PHTF2: variants seen among roughly 807,000 people sequenced by gnomAD.
PHTF2 encodes the protein protein PHTF2.
A neutral mutation model predicts 101.2 loss-of-function variants in PHTF2; 60 were observed. The observed-to-expected ratio is 0.59, with a 90% CI of 0.48 to 0.73. The LOEUF (loss-of-function observed/expected upper bound fraction) is 0.73, where lower values mean the gene tolerates loss of function less well. Ranked by LOEUF, PHTF2 falls within the 30% of genes least tolerant of loss-of-function variation. PHTF2 has a pLI of 0.00. For missense variants in PHTF2, 747 were observed against 908.7 expected (o/e 0.82, Z 2.29); for synonymous variants, 311 against 307.3 (o/e 1.01, Z -0.13).
At chr7:77,860,718 C>T (rs187613223) in intron 3 of PHTF2, among the ~76,000 whole-genome samples, 2,374 of 152,116 alleles carry the variant, frequency 0.016, 30 homozygotes, top group Non-Finnish European at 0.023. Context: ...TTGTTAATTG[C>T]TCTTTTTTTT....
intron 1 of PHTF2, among the ~76,000 whole-genome samples, chr7:77,837,839 C>T (rs768499642): frequency 2.6e-5 from 4 of 151,864 alleles, no homozygotes; most frequent in Non-Finnish European, 4.4e-5. Context: ...TAAATATTCC[C>T]TAAATATATT....
chr7:77,811,177 C>T (rs1793410467), intron 1 of PHTF2, among the ~76,000 whole-genome samples: 1 of 152,234 alleles, frequency 6.6e-6, no homozygotes, highest in Non-Finnish European at 1.5e-5. Flanking sequence ...GTTGGGATTA[C>T]AGGCGTGAGC....
chr7:77,849,332 G>T (rs997129158), intron 2 of PHTF2, among the ~76,000 whole-genome samples: 1 of 151,610 alleles, frequency 6.6e-6, no homozygotes, highest in Non-Finnish European at 1.5e-5. Flanking sequence ...TAGTAGAGAC[G>T]GGGTTTCATC....
At chr7:77,922,734 C>A (rs1028389825) in exon 11 of PHTF2, 1 of 1,607,060 alleles carries the variant, frequency 6.2e-7, no homozygotes, top group East Asian at 2.2e-5. Flanking sequence ...AGGTGTTCTT[C>A]GGAATAGAAA....
intron 1 of PHTF2, among the ~76,000 whole-genome samples, chr7:77,806,469 C>A (rs1792992978): frequency 6.6e-6 from 1 of 152,072 alleles, no homozygotes; most frequent in Admixed American, 6.5e-5. Flanking sequence ...CTTTGTATAG[C>A]CATTCAGACT....
In PHTF2 at chr7:77,947,826, C is replaced by CTTTCTTTTTTTTTTTT. The variant is rs1562976127; in HGVS notation, c.1960-1849_1960-1848insCTTTTTTTTTTTTTTT. 3.6e-4 allele frequency among the ~76,000 whole-genome samples: 31 copies of CTTTCTTTTTTTTTTTT among 86,898 alleles called. 1 individual carries two copies. Among genetic ancestry groups the CTTTCTTTTTTTTTTTT allele is most frequent in the African/African-American group, 1.4e-3 (29 of 21,288 alleles). 57.0% of individuals were successfully genotyped at this position (86,898 alleles called of 152,430 possible). Reference sequence around the variant, plus strand: ...AATATGAAGATTTATTTTCTTTTTTCTTTTTTCTTTCTTTTTTTTTTTTTT... The same window carrying CTTTCTTTTTTTTTTTT: ...AATATGAAGATTTATTTTCTTTTTTCTTTCTTTTTTTTTTTTTTTTTTCTTTCTTTTTTTTTTTTTT... On this transcript the variant is annotated intron_variant, in intron 16 of 19. Coordinates refer to ENST00000416283, the Ensembl canonical transcript of PHTF2.
At chr7:77,801,028 A>G (rs190273653) in intron 1 of PHTF2, among the ~76,000 whole-genome samples, 1 of 152,334 alleles carries the variant, frequency 6.6e-6, no homozygotes, top group African/African-American at 2.4e-5. Context: ...CAAAACCGTA[A>G]ATTGAATCCA....
chr7:77,843,564 G>T (rs1796048992), intron 2 of PHTF2, among the ~76,000 whole-genome samples: 1 of 152,104 alleles, frequency 6.6e-6, no homozygotes, highest in South Asian at 2.1e-4. Flanking sequence ...TTAAATATAT[G>T]CTTACTAAAA....
intron 3 of PHTF2, among the ~76,000 whole-genome samples, chr7:77,879,402 C>T (rs1799220416): frequency 6.6e-6 from 1 of 152,216 alleles, no homozygotes; most frequent in East Asian, 1.9e-4. Context: ...CTAAAGAACT[C>T]GTGATGGCCT....
intron 3 of PHTF2, among the ~76,000 whole-genome samples, chr7:77,873,947 A>G (rs1798729648): frequency 6.6e-6 from 1 of 152,188 alleles, no homozygotes; most frequent in Non-Finnish European, 1.5e-5. Flanking sequence ...ACTCTCACCC[A>G]GGGCAATCTT....
At chr7:77,900,589 T>C (rs758144573) in intron 5 of PHTF2, 122 bp from the exon 5 acceptor site, 1 of 668,044 alleles carries the variant, frequency 1.5e-6, no homozygotes, top group Non-Finnish European at 2.7e-6. Context: ...ATGCATAATG[T>C]GTTACATTTT....
At chr7:77,927,034 T>C (rs1486307011) in intron 11 of PHTF2, among the ~76,000 whole-genome samples, 3 of 151,082 alleles carry the variant, frequency 2.0e-5, no homozygotes, top group Admixed American at 1.3e-4. Flanking sequence ...GGCGGGCTCC[T>C]GTAGTCCTAG....
intron 1 of PHTF2, among the ~76,000 whole-genome samples, chr7:77,799,341 G>T (rs992135160): frequency 1.3e-5 from 2 of 152,208 alleles, no homozygotes; most frequent in African/African-American, 4.8e-5. Context: ...TGTGCTGAGG[G>T]GTCGTCGGGT....
At chr7:77,905,242 T>C (rs954709535) in intron 7 of PHTF2, among the ~76,000 whole-genome samples, 1 of 152,174 alleles carries the variant, frequency 6.6e-6, no homozygotes. Context: ...TTCTGTTTTT[T>C]AGACATAGGG....
rs1799674595 is a variant in PHTF2, at chr7:77,884,642, A to G, written c.148-8966A>G. Among the ~76,000 whole-genome samples the G allele has an allele frequency of 1.3e-5, 2 of 152,188 alleles. 1 individual carries two copies. Among genetic ancestry groups the G allele is most frequent in the South Asian group, 4.1e-4 (2 of 4,828 alleles). On this transcript the variant is annotated intron_variant, in intron 3 of 19. Coordinates refer to ENST00000416283, the Ensembl canonical transcript of PHTF2. The stretch of plus-strand genomic sequence containing the variant: ...CTGGGCGCAGTGGCTTACCCCTGTA[A>G]TTTCAGCACTCTGGTAGGCCGAGGC...
intron 1 of PHTF2, among the ~76,000 whole-genome samples, chr7:77,813,711 G>A (rs1239852198): frequency 6.6e-6 from 1 of 152,208 alleles, no homozygotes; most frequent in Non-Finnish European, 1.5e-5. Context: ...AGTAGTTGCA[G>A]TATGTTTATT....
chr7:77,870,819 A>G (rs968855117), intron 3 of PHTF2, among the ~76,000 whole-genome samples: 1 of 152,226 alleles, frequency 6.6e-6, no homozygotes, highest in South Asian at 2.1e-4. Context: ...TTGTACAACC[A>G]GAAATGCACC....
intron 1 of PHTF2, among the ~76,000 whole-genome samples, chr7:77,800,405 C>T (rs1326707223): frequency 2.6e-5 from 4 of 152,164 alleles, no homozygotes; most frequent in Non-Finnish European, 5.9e-5. Context: ...TGTCTGAATG[C>T]ATCTGATAGT....
rs548473284 is a variant in PHTF2, at chr7:77,842,486, C to T, written c.45+2186C>T. ...GATTTGCTCTATTTTTTTCCTTTTGCTTTTAAATTTAATTTTATTGAAGAA... is the reference window on the plus strand; with the variant it reads ...GATTTGCTCTATTTTTTTCCTTTTGTTTTTAAATTTAATTTTATTGAAGAA... On this transcript the variant is annotated intron_variant, in intron 2 of 19. Coordinates refer to ENST00000416283, the Ensembl canonical transcript of PHTF2. Among the ~76,000 whole-genome samples the T allele has an allele frequency of 1.8e-4, 27 of 152,044 alleles. No individual in the cohort carries two copies. The South Asian group carries it at 2.3e-3, about 13-fold the overall frequency.
Sources: allele counts gnomAD v4.1 joint callset (sites outside exome capture counted in the v4.1 genomes callset), GRCh38; gene constraint gnomAD v4.1.1; transcripts MANE v1.5; gene names NCBI Gene and HGNC (gene_info 2026-07-23, HGNC 2026-07-21).